The following HK1 variants were observed in gnomAD, a reference collection of about 807,000 sequenced individuals.
The protein encoded by HK1 is hexokinase 1.
In HK1, 28 loss-of-function variants were observed where a neutral mutation model predicts 91.6. The ratio of observed to expected loss-of-function variants is 0.31; its 90% CI spans 0.23 to 0.42. The LOEUF is 0.42. Ranked by LOEUF, HK1 falls within the 10% of genes least tolerant of loss-of-function variation. HK1 has a pLI of 1.00. For missense variants in HK1, 770 were observed against 1,219.8 expected, an observed-to-expected ratio of 0.63 and a Z score of 5.49; for synonymous variants, 430 against 468.1, an observed-to-expected ratio of 0.92 and a Z score of 1.05.
At chr10:69,390,734 G>A (rs897039931) in intron 14 of HK1, among the ~76,000 whole-genome samples, 2 of 152,178 alleles carry the variant, frequency 1.3e-5, no homozygotes, top group South Asian at 2.1e-4. Context: ...GCTCCTGGGC[G>A]CATCATTAGC....
rs1407024199 is a variant in HK1, at chr10:69,382,505, C to T, written c.1284C>T (p.His428=). 6.2e-7 allele frequency: 1 copy of T among 1,614,230 alleles called. No homozygotes were observed. The highest frequency in any genetic ancestry group is 1.6e-4 in the Middle Eastern group (1 of 6,062). The change falls in exon 10 of 18, where the codon CAC becomes CAT. Residue 428 remains histidine, a synonymous_variant. Transcript: ENST00000359426. Reference sequence around the variant, plus strand: ...CCATAAGGTATTCCCGGCGTTTCCACAAGACTCTAAGGCGCTTGGTGCCAG... The same window carrying T: ...CCATAAGGTATTCCCGGCGTTTCCATAAGACTCTAAGGCGCTTGGTGCCAG... ...KTHPQYSRRF[H]KTLRRLVPDS...
intron 13 of HK1, 150 bp downstream of exon 13, chr10:69,386,568 G>A (rs895440696): frequency 1.2e-5 from 7 of 563,796 alleles, no homozygotes; most frequent in African/African-American, 1.9e-5. Flanking sequence ...TGGATCATGA[G>A]GTCAGGAGTT....
chr10:69,379,141 T>C (rs1281794525), intron 8 of HK1, among the ~76,000 whole-genome samples: 2 of 152,146 alleles, frequency 1.3e-5, no homozygotes, highest in African/African-American at 2.4e-5. Context: ...CGAGGTTGGT[T>C]TTGTTTTTAA....
intron 1 of HK1, among the ~76,000 whole-genome samples, chr10:69,277,891 G>T (rs963947383): frequency 1.3e-5 from 2 of 152,106 alleles, no homozygotes; most frequent in African/African-American, 4.8e-5. Context: ...AACTTAGCTG[G>T]GCGTGGTGGC....
At chr10:69,301,244 C>CA (rs35215102) in intron 5 of HK1, among the ~76,000 whole-genome samples, 71,623 of 113,186 alleles carry the variant, frequency 0.63, 21,391 homozygotes, top group East Asian at 0.79. Context: ...GACTCCATCT[C>CA]AAAAAAAAAA....
At chr10:69,331,160 A>G (rs1262362843) in intron 1 of HK1, among the ~76,000 whole-genome samples, 1 of 152,204 alleles carries the variant, frequency 6.6e-6, no homozygotes, top group East Asian at 1.9e-4. Context: ...GATCACAGGC[A>G]TGAGCCGCCA....
At chr10:69,393,038 A>G (rs1839974442) in intron 15 of HK1, among the ~76,000 whole-genome samples, 1 of 152,120 alleles carries the variant, frequency 6.6e-6, no homozygotes, top group African/African-American at 2.4e-5. Flanking sequence ...CTGGAGTGCA[A>G]TGGCGTGATC....
At chr10:69,342,162 A>AAAACAAACAAACAAAC (rs33984080) in intron 1 of HK1, among the ~76,000 whole-genome samples, 9 of 141,020 alleles carry the variant, frequency 6.4e-5, no homozygotes, top group South Asian at 2.3e-4. Context: ...ACCAACCCCA[A>AAAACAAACAAACAAAC]AAACAAACAA....
At chr10:69,357,959 T>C (rs1450101714) in intron 2 of HK1, among the ~76,000 whole-genome samples, 1 of 152,160 alleles carries the variant, frequency 6.6e-6, no homozygotes, top group Non-Finnish European at 1.5e-5. Context: ...TAAAAACCAT[T>C]GAATTGTATA....
In HK1 at chr10:69,384,917, T is replaced by A. The variant is rs1485474691; in HGVS notation, c.1839+2T>A. 6.2e-7 allele frequency: 1 copy of A among 1,614,028 alleles called. No individual in the cohort carries two copies. The highest frequency in any genetic ancestry group is 8.5e-7 in the Non-Finnish European group (1 of 1,180,006). ...TGCCAGCAGACGAGTCTGGACGCGG[T>A]GAGTCTCTGTTCTTAGGGCTCAGTG... is the stretch of plus-strand genomic sequence containing the variant. On this transcript the variant is annotated splice_donor_variant, in intron 12 of 17. Transcript: ENST00000359426. LOFTEE classifies it high-confidence loss of function.
chr10:69,391,952 C>T (rs1413574664), intron 14 of HK1, among the ~76,000 whole-genome samples, 173 bp from the exon 15 acceptor site: 1 of 152,180 alleles, frequency 6.6e-6, no homozygotes, highest in Non-Finnish European at 1.5e-5. Flanking sequence ...TCAGACTCTC[C>T]ATTTACATTT....
At chr10:69,384,250 T>G (rs1839526309) in intron 10 of HK1, 83 bp from the exon 11 acceptor site, 1 of 1,541,642 alleles carries the variant, frequency 6.5e-7, no homozygotes, top group Non-Finnish European at 9.0e-7. Flanking sequence ...GTTCTCCCCT[T>G]GAAAGTCTGG....
intron 1 of HK1, among the ~76,000 whole-genome samples, chr10:69,276,784 T>C (rs1844499617): frequency 6.7e-6 from 1 of 149,518 alleles, no homozygotes; most frequent in South Asian, 2.1e-4. Context: ...ATTATAACTA[T>C]AACTATTATC....
At chr10:69,367,730 T>C (rs1488842190) in intron 4 of HK1, among the ~76,000 whole-genome samples, 3 of 151,996 alleles carry the variant, frequency 2.0e-5, no homozygotes, top group Non-Finnish European at 4.4e-5. Context: ...GGACCGTGAA[T>C]CTTCCAACCC....
chr10:69,398,898 GTGGT>G, intron 17 of HK1, 70 bp downstream of exon 17: 1 of 1,249,706 alleles, frequency 8.0e-7, no homozygotes, highest in Admixed American at 1.8e-5. Context: ...GTATCAGGGT[GTGGT>G]TTACGCTGGG....
intron 1 of HK1, among the ~76,000 whole-genome samples, chr10:69,272,543 A>G (rs1418032928): frequency 6.6e-6 from 1 of 152,086 alleles, no homozygotes; most frequent in East Asian, 1.9e-4. Flanking sequence ...ACACAGTTCT[A>G]GTTTGGTACT....
chr10:69,304,704 T>C lies in HK1; in HGVS notation c.27+3843T>C, dbSNP rs60502469. On this transcript the variant is annotated intron_variant, in intron 5 of 21. Transcript: ENST00000360289. ...GACAGCTTGGAGGTTAAAAGCAAGA[T>C]GGAGTTGGATAGGTCAGATCTTTCA... is the stretch of plus-strand genomic sequence containing the variant. Among the ~76,000 whole-genome samples, 140 of 152,306 alleles carry C rather than the reference T, an allele frequency of 9.2e-4. 3 individuals carry two copies. The East Asian group carries it at 0.027, about 29-fold the overall frequency.
At position 69,382,584 on chromosome 10, in the gene HK1, A is replaced by G; in HGVS notation, c.1363A>G (p.Met455Val). Residue 455 changes from methionine (M) to valine (V), a missense_variant, in exon 10 of 18, where the codon ATG becomes GTG. By Grantham distance (21) the Met-to-Val change is conservative. Transcript: ENST00000359426. ...SESGSGKGAA[M>V]VTAVAYRLAE... Reference sequence around the variant, plus strand: ...GAGTGGCAGCGGCAAGGGGGCTGCCATGGTGACGGCGGTGGCCTACCGCTT... The same window carrying G: ...GAGTGGCAGCGGCAAGGGGGCTGCCGTGGTGACGGCGGTGGCCTACCGCTT... The G allele has an allele frequency of 1.2e-6, 2 of 1,614,208 alleles. No homozygotes were observed. The highest frequency in any genetic ancestry group is 1.7e-6 in the Non-Finnish European group (2 of 1,180,038).
chr10:69,340,462 C>T (rs1486531827), intron 1 of HK1, among the ~76,000 whole-genome samples: 1 of 152,198 alleles, frequency 6.6e-6, no homozygotes, highest in Non-Finnish European at 1.5e-5. Flanking sequence ...GTTGGCCAGG[C>T]TGGTCTTGAA....
Sources: gnomAD v4.1 joint callset for allele counts (sites outside exome capture counted in the v4.1 genomes callset) on GRCh38, gnomAD v4.1.1 for gene constraint, MANE v1.5 for transcripts, NCBI Gene and HGNC (gene_info 2026-07-23, HGNC 2026-07-21) for gene names.